Variants in SACS observed in about 807,000 individuals in gnomAD.
SACS encodes sacsin molecular chaperone, also known as sacsin.
In SACS, 197 loss-of-function variants were observed where a neutral mutation model predicts 348.0. The ratio of observed to expected loss-of-function variants is 0.57; its 90% CI spans 0.50 to 0.64. SACS has a LOEUF of 0.64. Among genes scored for constraint, SACS ranks in the 30% least tolerant of loss-of-function variants. The pLI is 0.00. For missense variants in SACS, 4,999 were observed against 5,360.8 expected, an observed-to-expected ratio of 0.93 and a Z score of 2.11; for synonymous variants, 1,985 against 1,910.6, an observed-to-expected ratio of 1.04 and a Z score of -1.02.
chr13:23,338,890 C>CGTA lies in SACS; in HGVS notation c.4983_4985dup (p.Thr1662dup). ...AATAAATATCTGCTGTATTGTAGCA[C>CGTA]GTACTACTAACTTCACTCACTTTTG... On this transcript the variant is annotated inframe_insertion, in exon 10 of 10. Transcript: ENST00000382292. 1 of 1,613,034 alleles carries CGTA rather than the reference C, an allele frequency of 6.2e-7. No homozygotes were observed. Among genetic ancestry groups the CGTA allele is most frequent in the Non-Finnish European group, 8.5e-7 (1 of 1,179,652 alleles).
At chr13:23,350,089 A>C (rs757918947) in intron 9 of SACS, among the ~76,000 whole-genome samples, 2 of 152,246 alleles carry the variant, frequency 1.3e-5, no homozygotes, top group African/African-American at 4.8e-5. Context: ...GTGAATGCCA[A>C]GAAGGAATGG....
intron 1 of SACS, among the ~76,000 whole-genome samples, chr13:23,424,182 T>G (rs1021548411): frequency 6.6e-6 from 1 of 152,170 alleles, no homozygotes; most frequent in Non-Finnish European, 1.5e-5. Flanking sequence ...TGAATGCAAC[T>G]GGAATCTCCA....
intron 1 of SACS, among the ~76,000 whole-genome samples, chr13:23,417,658 C>A (rs1296070973): frequency 6.6e-6 from 1 of 152,108 alleles, no homozygotes; most frequent in Non-Finnish European, 1.5e-5. Flanking sequence ...GTGAGAAAAT[C>A]AAACCTTAAA....
rs1388411074 is a variant in SACS, at chr13:23,330,286, A to G, written c.13590T>C (p.Gly4530=). The change falls in exon 10 of 10, where the codon GGT becomes GGC. Residue 4530 remains glycine (G), a synonymous_variant. Transcript: ENST00000382292. ...GGTATCTTGTTTTTAAACTGTCTAC[A>G]CCATAAGCTTCCAATGTGTGAACAT... is the stretch of plus-strand genomic sequence containing the variant. ...TNDVHTLEAY[G]VDSLKTRYPD... is the part of the protein sequence containing the mutation. The G allele has an allele frequency of 4.3e-6, 7 of 1,614,096 alleles. No individual in the cohort carries two copies. Among genetic ancestry groups the G allele is most frequent in the African/African-American group, 1.3e-5 (1 of 74,948 alleles).
chr13:23,398,277 A>C (rs1328909937), intron 2 of SACS, among the ~76,000 whole-genome samples: 1 of 151,712 alleles, frequency 6.6e-6, no homozygotes, highest in Non-Finnish European at 1.5e-5. Context: ...TCATGCCTGT[A>C]ATCCTAGCAC....
chr13:23,416,047 A>G (rs1873678059), intron 1 of SACS, among the ~76,000 whole-genome samples: 1 of 152,174 alleles, frequency 6.6e-6, no homozygotes, highest in South Asian at 2.1e-4. Context: ...TGGGGGGCTG[A>G]GGCTGTTAGG....
chr13:23,423,478 TCA>T (rs1351764226), intron 1 of SACS, among the ~76,000 whole-genome samples: 1 of 152,214 alleles, frequency 6.6e-6, no homozygotes, highest in Non-Finnish European at 1.5e-5. Flanking sequence ...CTGTTTTATA[TCA>T]CTGAATGGAA....
At chr13:23,414,514 G>A (rs1373770852) in intron 1 of SACS, among the ~76,000 whole-genome samples, 2 of 149,310 alleles carry the variant, frequency 1.3e-5, no homozygotes, top group East Asian at 4.0e-4. Flanking sequence ...GCACATTCAT[G>A]CTTGTCGACC....
At position 23,340,850 on chromosome 13, in the gene SACS, A is replaced by C; in HGVS notation, c.3026T>G (p.Val1009Gly). 6.2e-7 allele frequency: 1 copy of C among 1,607,042 alleles called. No homozygotes were observed. The highest frequency in any genetic ancestry group is 1.7e-4 in the Middle Eastern group (1 of 6,022). The change falls in exon 10 of 10, where the codon GTA becomes GGA. Residue 1009 changes from valine to glycine, a missense_variant. Coordinates refer to ENST00000382292, the MANE Select transcript of SACS (RefSeq NM_014363.6). ...IENAFYSHEE[V>G]TQLMLWVLEN... Reference sequence around the variant, plus strand: ...AAGGACCCATAACATAAGCTGTGTTACCTCTTCATGTGAATAAAATGCATT... The same window carrying C: ...AAGGACCCATAACATAAGCTGTGTTCCCTCTTCATGTGAATAAAATGCATT...
chr13:23,377,187 A>G (rs1304931087), intron 2 of SACS, among the ~76,000 whole-genome samples: 1 of 152,224 alleles, frequency 6.6e-6, no homozygotes, highest in African/African-American at 2.4e-5. Context: ...GGGATGGTGG[A>G]AATGTTCTGG....
intron 2 of SACS, among the ~76,000 whole-genome samples, chr13:23,399,779 C>G (rs138509949): frequency 6.6e-6 from 1 of 151,964 alleles, no homozygotes; most frequent in African/African-American, 2.4e-5. Context: ...TTTCTAACAT[C>G]CCCCATCACA....
rs908001847 is a variant in SACS, at chr13:23,329,253, G to T, written c.*883C>A. The T allele has an allele frequency of 4.2e-5, 19 of 457,272 alleles. No individual in the cohort carries two copies. Among genetic ancestry groups the T allele is most frequent in the South Asian group, 7.4e-5 (2 of 27,084 alleles). 28.3% of individuals were successfully genotyped at this position (457,272 alleles called of 1,614,324 possible). ...ACATGCCATATTGAAAGAAAAGGTT[G>T]TTTTTTTTTTAACTGCAGCACCTTT... On this transcript the variant is annotated 3_prime_UTR_variant, in exon 10 of 10. Transcript: ENST00000382292.
intron 6 of SACS, among the ~76,000 whole-genome samples, chr13:23,361,575 G>A (rs1403648000): frequency 2.0e-5 from 3 of 152,064 alleles, no homozygotes; most frequent in African/African-American, 7.2e-5. Context: ...TCAGGAATTC[G>A]AGACCAGCCT....
chr13:23,336,749 T>C lies in SACS; in HGVS notation c.7127A>G (p.Asn2376Ser), dbSNP rs1402210349. Residue 2376 changes from asparagine (N) to serine (S), a missense_variant, in exon 10 of 10, where the codon AAT becomes AGT. Physicochemically the swap from Asn to Ser is conservative, Grantham distance 46 (BLOSUM62 1). Transcript: ENST00000382292. ...EAAPYLYQLP[N>S]KYKNNFRELF... ...TTCGCGGAAATTATTTTTATACTTATTAGGCAACTGATAAAGGTATGGTGC... is the reference window on the plus strand; with the variant it reads ...TTCGCGGAAATTATTTTTATACTTACTAGGCAACTGATAAAGGTATGGTGC... The C allele has an allele frequency of 7.4e-6, 12 of 1,613,892 alleles. No homozygotes were observed. The highest frequency in any genetic ancestry group is 1.0e-5 in the Non-Finnish European group (12 of 1,179,880).
chr13:23,432,137 A>T (rs1481369650), intron 1 of SACS, among the ~76,000 whole-genome samples: 1 of 152,146 alleles, frequency 6.6e-6, no homozygotes, highest in Non-Finnish European at 1.5e-5. Flanking sequence ...CTGAGATTGG[A>T]ACCCGGGGCT....
At chr13:23,391,913 A>G (rs1008818600) in intron 2 of SACS, among the ~76,000 whole-genome samples, 1 of 152,226 alleles carries the variant, frequency 6.6e-6, no homozygotes, top group African/African-American at 2.4e-5. Flanking sequence ...CACATGGAAC[A>G]TGGATCCCTT....
chr13:23,422,785 TG>T (rs1182484324), intron 1 of SACS, among the ~76,000 whole-genome samples: 1 of 151,694 alleles, frequency 6.6e-6, no homozygotes, highest in Non-Finnish European at 1.5e-5. Context: ...CAGCCTTTGG[TG>T]TTTCATATAA....
At chr13:23,385,426 C>A (rs995668591) in intron 2 of SACS, among the ~76,000 whole-genome samples, 1 of 149,908 alleles carries the variant, frequency 6.7e-6, no homozygotes, top group Non-Finnish European at 1.5e-5. Flanking sequence ...AGGGTGTGAT[C>A]CTGGCTCACT....
chr13:23,430,641 C>T (rs937901970), intron 1 of SACS, among the ~76,000 whole-genome samples: 1 of 152,116 alleles, frequency 6.6e-6, no homozygotes, highest in African/African-American at 2.4e-5. Context: ...GCACTTAGTA[C>T]TTTAATGAGG....
Sources: allele counts gnomAD v4.1 joint callset (sites outside exome capture counted in the v4.1 genomes callset), GRCh38; gene constraint gnomAD v4.1.1; transcripts MANE v1.5; gene names NCBI Gene and HGNC (gene_info 2026-07-23, HGNC 2026-07-21).